The following ADAMTS6 variants were observed in gnomAD, a reference collection of about 807,000 sequenced individuals.
The protein encoded by ADAMTS6 is ADAM metallopeptidase with thrombospondin type 1 motif 6.
ADAMTS6 carries 23 observed loss-of-function variants against 144.3 expected under a neutral mutation model. The observed-to-expected ratio is 0.16, with a 90% CI of 0.11 to 0.23. The LOEUF (loss-of-function observed/expected upper bound fraction) is 0.23. Among genes scored for constraint, ADAMTS6 ranks in the 10% least tolerant of loss-of-function variants. ADAMTS6 has a pLI of 1.00. For missense variants in ADAMTS6, 999 were observed against 1,379.6 expected (o/e 0.72, Z 4.37); for synonymous variants, 444 against 457.5 (o/e 0.97, Z 0.38).
intron 7 of ADAMTS6, among the ~76,000 whole-genome samples, chr5:65,342,560 A>G (rs748317461): frequency 2.0e-5 from 3 of 152,116 alleles, no homozygotes; most frequent in Non-Finnish European, 4.4e-5. Flanking sequence ...GTACCTCAAC[A>G]TAATAAAGGC....
chr5:65,329,311 A>G (rs1372056766), intron 9 of ADAMTS6, 67 bp downstream of exon 9: 1 of 1,390,354 alleles, frequency 7.2e-7, no homozygotes, highest in Non-Finnish European at 1.0e-6. Flanking sequence ...GCCTTTCCAT[A>G]CAGTAGTTAC....
rs114736328 is a variant in ADAMTS6, at chr5:65,240,483, G to T, written c.1933+1621C>A. ...TGACTTTTATGGACTGAATGTTTGT[G>T]TCCCCCCAAAACCCGTATGTTGAAA... On this transcript the variant is annotated intron_variant, in intron 15 of 24. Transcript: ENST00000381055. 4.7e-3 allele frequency among the ~76,000 whole-genome samples: 719 copies of T among 152,198 alleles called. 2 individuals are homozygous for T. The highest frequency in any genetic ancestry group is 0.016 in the African/African-American group (674 of 41,530).
chr5:65,285,439 C>T (rs1381085523), intron 11 of ADAMTS6, among the ~76,000 whole-genome samples: 1 of 152,160 alleles, frequency 6.6e-6, no homozygotes, highest in African/African-American at 2.4e-5. Flanking sequence ...AGGCATTGAA[C>T]TAGTCACTAC....
At chr5:65,293,312 C>CT (rs1402497250) in intron 10 of ADAMTS6, among the ~76,000 whole-genome samples, 1 of 151,806 alleles carries the variant, frequency 6.6e-6, no homozygotes, top group African/African-American at 2.4e-5. Context: ...TACTATAAAT[C>CT]TTTTTTATGG....
chr5:65,428,203 G>A (rs1032160386), intron 7 of ADAMTS6, among the ~76,000 whole-genome samples: 4 of 127,666 alleles, frequency 3.1e-5, no homozygotes, highest in South Asian at 2.4e-4. Context: ...TCCAGCCTGC[G>A]CAACAGAGTG....
chr5:65,367,870 A>ATG (rs896696326), intron 7 of ADAMTS6, among the ~76,000 whole-genome samples: 5 of 152,002 alleles, frequency 3.3e-5, no homozygotes, highest in Middle Eastern at 3.4e-3. Context: ...ATGTATATAT[A>ATG]TGTGTGTGTA....
At position 65,267,874 on chromosome 5, in the gene ADAMTS6, T is replaced by C. The variant is rs1424022776; in HGVS notation, c.1621-4912A>G. ...CTTCCCAAGTCAGAAGAGCTGAGTG[T>C]TGGAGCACAGCACTATTAAAAGCCT... On this transcript the variant is annotated intron_variant, in intron 12 of 24. Coordinates refer to ENST00000381055, the MANE Select transcript of ADAMTS6 (RefSeq NM_197941.4). Among the ~76,000 whole-genome samples, 6 of 152,290 alleles carry C rather than the reference T, an allele frequency of 3.9e-5. No individual in the cohort carries two copies. In the East Asian group the frequency reaches 9.6e-4, roughly 24 times the overall value.
chr5:65,460,112 G>T (rs1036136190), intron 4 of ADAMTS6, 58 bp downstream of exon 4: 6 of 1,553,662 alleles, frequency 3.9e-6, no homozygotes, highest in Admixed American at 1.9e-5. Flanking sequence ...CTTGCCAGAA[G>T]AAAGAAAAAG....
In ADAMTS6 at chr5:65,273,497, T is replaced by TAC. The variant is rs762620882; in HGVS notation, c.1513-51_1513-50insGT. 2.1e-6 allele frequency: 3 copies of TAC among 1,447,862 alleles called. No homozygotes were observed. In the East Asian group the frequency reaches 6.9e-5, roughly 33 times the overall value. 89.7% of individuals were successfully genotyped at this position (1,447,862 alleles called of 1,614,324 possible). A position where few individuals can be genotyped will look rare whatever the true frequency, so the allele number is the denominator to read the frequency against. On this transcript the variant is annotated intron_variant, in intron 11 of 24. Coordinates refer to ENST00000381055, the MANE Select transcript of ADAMTS6 (RefSeq NM_197941.4). ...TGATCAGAAATAGAGTCATGTCCAA[T>TAC]TCTTCCATAAAATACACTTACAGTC...
At chr5:65,473,216 G>C (rs999476588) in intron 2 of ADAMTS6, among the ~76,000 whole-genome samples, 6 of 152,086 alleles carry the variant, frequency 3.9e-5, no homozygotes, top group African/African-American at 1.4e-4. Flanking sequence ...TAATTTATCT[G>C]GTTTCTTCTT....
chr5:65,245,761 C>G (rs1359436747), intron 14 of ADAMTS6, among the ~76,000 whole-genome samples: 1 of 152,128 alleles, frequency 6.6e-6, no homozygotes, highest in Non-Finnish European at 1.5e-5. Flanking sequence ...CCATGTGTCT[C>G]TGTTGCAACT....
chr5:65,238,726 G>A (rs1464166596), intron 15 of ADAMTS6, among the ~76,000 whole-genome samples: 2 of 152,022 alleles, frequency 1.3e-5, no homozygotes, highest in African/African-American at 2.4e-5. Flanking sequence ...CTCAGGAATC[G>A]ATTTAGTAAA....
intron 7 of ADAMTS6, among the ~76,000 whole-genome samples, chr5:65,359,440 C>T (rs983373098): frequency 6.6e-6 from 1 of 152,112 alleles, no homozygotes; most frequent in East Asian, 1.9e-4. Flanking sequence ...AGAAAGGGAG[C>T]CCTGCTACAC....
intron 13 of ADAMTS6, among the ~76,000 whole-genome samples, chr5:65,262,427 GTAA>G (rs1336296889): frequency 2.6e-5 from 4 of 152,176 alleles, no homozygotes; most frequent in Admixed American, 2.6e-4. Context: ...TGATGTAGCA[GTAA>G]TAATTTTATG....
intron 10 of ADAMTS6, among the ~76,000 whole-genome samples, chr5:65,296,912 GA>G (rs765208534): frequency 3.9e-5 from 6 of 152,116 alleles, no homozygotes; most frequent in Non-Finnish European, 8.8e-5. Context: ...AAACCTTTAT[GA>G]AATTATTCTG....
chr5:65,206,699 C>CAA (rs11296295), intron 20 of ADAMTS6, among the ~76,000 whole-genome samples: 78 of 77,788 alleles, frequency 1.0e-3, no homozygotes, highest in African/African-American at 1.5e-3. Context: ...GACTCCATCT[C>CAA]AAAAAAAAAA....
At position 65,149,403 on chromosome 5, in the gene ADAMTS6, G is replaced by A. The variant is rs1180469261; in HGVS notation, c.*2433C>T. 6.6e-6 allele frequency: 1 copy of A among 152,248 alleles called. No homozygotes were observed. Among genetic ancestry groups the A allele is most frequent in the Non-Finnish European group, 1.5e-5 (1 of 68,060 alleles). 9.4% of individuals were successfully genotyped at this position (152,248 alleles called of 1,614,324 possible). ...TTCAATTCAAGGCTTACTTGAAACT[G>A]TTTCATCCTGTTACATTCTGTGCGT... is the stretch of plus-strand genomic sequence containing the variant. On this transcript the variant is annotated 3_prime_UTR_variant, in exon 25 of 25. Transcript: ENST00000381055.
chr5:65,339,134 A>C (rs1747585152), intron 7 of ADAMTS6, among the ~76,000 whole-genome samples: 2 of 152,144 alleles, frequency 1.3e-5, no homozygotes, highest in South Asian at 4.1e-4. Flanking sequence ...CACCATGTGC[A>C]TACATTTCTG....
chr5:65,372,685 T>A (rs1475958436), intron 7 of ADAMTS6, among the ~76,000 whole-genome samples: 1 of 152,114 alleles, frequency 6.6e-6, no homozygotes, highest in Non-Finnish European at 1.5e-5. Context: ...ACTGTCAACA[T>A]TAGACAGATC....
Sources: gnomAD v4.1 joint callset for allele counts (sites outside exome capture counted in the v4.1 genomes callset) on GRCh38, gnomAD v4.1.1 for gene constraint, MANE v1.5 for transcripts, NCBI Gene and HGNC (gene_info 2026-07-23, HGNC 2026-07-21) for gene names.